RBFOX1: variants seen among roughly 807,000 people sequenced by gnomAD.
RBFOX1 encodes the protein RNA binding protein fox-1 homolog 1.
Under a neutral mutation model 57.7 loss-of-function variants are expected in RBFOX1, and 8 were observed. The observed-to-expected ratio is 0.14, with a 90% CI of 0.08 to 0.25. The LOEUF (loss-of-function observed/expected upper bound fraction) is 0.25, where lower values mean the gene tolerates loss of function less well. Among genes scored for constraint, RBFOX1 ranks in the 10% least tolerant of loss-of-function variants. The pLI is 1.00. For missense variants in RBFOX1, 611 were observed against 548.5 expected, an observed-to-expected ratio of 1.11 and a Z score of -1.14; for synonymous variants, 326 against 222.4, an observed-to-expected ratio of 1.47 and a Z score of -4.15.
intron 3 of RBFOX1, among the ~76,000 whole-genome samples, chr16:6,900,658 C>T (rs918703910): frequency 1.4e-4 from 21 of 152,186 alleles, no homozygotes; most frequent in Admixed American, 8.5e-4. Context: ...TTCTTGACCT[C>T]GTCCCACCAA....
intron 3 of RBFOX1, among the ~76,000 whole-genome samples, chr16:5,759,474 A>T (rs1302474803): frequency 6.6e-6 from 1 of 152,238 alleles, no homozygotes; most frequent in Admixed American, 6.5e-5. Flanking sequence ...CAGCTGTATC[A>T]GGGCATTCAA....
intron 4 of RBFOX1, among the ~76,000 whole-genome samples, chr16:7,306,482 G>A (rs765430532): frequency 1.1e-4 from 17 of 152,058 alleles, no homozygotes; most frequent in Non-Finnish European, 2.4e-4. Flanking sequence ...TTTGAAATGT[G>A]CTTTGGAATG....
At chr16:7,162,843 T>C (rs537456803) in intron 4 of RBFOX1, among the ~76,000 whole-genome samples, 3 of 152,332 alleles carry the variant, frequency 2.0e-5, no homozygotes, top group African/African-American at 4.8e-5. Flanking sequence ...TAAAGAATTA[T>C]AGACTTCAAA....
At chr16:5,518,863 CT>C (rs1180937532) in intron 2 of RBFOX1, among the ~76,000 whole-genome samples, 1 of 152,226 alleles carries the variant, frequency 6.6e-6, no homozygotes. Flanking sequence ...CCCTATCCCC[CT>C]AACCCCCACT....
At chr16:6,873,597 G>A (rs535066964) in intron 3 of RBFOX1, among the ~76,000 whole-genome samples, 68 of 152,138 alleles carry the variant, frequency 4.5e-4, no homozygotes, top group African/African-American at 1.6e-3. Context: ...CATATTACAC[G>A]TCTAGTTTTT....
chr16:5,251,496 G>T (rs2062452413), intron 1 of RBFOX1, among the ~76,000 whole-genome samples: 1 of 152,206 alleles, frequency 6.6e-6, no homozygotes, highest in Non-Finnish European at 1.5e-5. Context: ...TACCTGCTGT[G>T]TTTATAGAGT....
rs1287335701 is a variant in RBFOX1, at chr16:5,509,736, G to A, written c.258+42482G>A. ...AGAGCTTTCGGGGCTTGGGCCAGGCGTGGACGTTAAGGCCAAGATGGGCGC... is the reference window on the plus strand; with the variant it reads ...AGAGCTTTCGGGGCTTGGGCCAGGCATGGACGTTAAGGCCAAGATGGGCGC... On this transcript the variant is annotated intron_variant, in intron 2 of 2. Coordinates refer to the RBFOX1 transcript ENST00000585867. 2.0e-5 allele frequency among the ~76,000 whole-genome samples: 3 copies of A among 152,312 alleles called. No homozygotes were observed. The South Asian group carries it at 6.2e-4, about 32-fold the overall frequency.
At chr16:5,927,531 A>C (rs2058962641) in intron 4 of RBFOX1, among the ~76,000 whole-genome samples, 1 of 152,214 alleles carries the variant, frequency 6.6e-6, no homozygotes. Flanking sequence ...GATGGAAAAC[A>C]ATATGGAGGT....
chr16:6,024,045 C>A (rs988914297), intron 1 of RBFOX1, among the ~76,000 whole-genome samples: 3 of 152,156 alleles, frequency 2.0e-5, no homozygotes, highest in Non-Finnish European at 1.5e-5. Context: ...GTTATATACA[C>A]AGGCAACTGT....
intron 2 of RBFOX1, among the ~76,000 whole-genome samples, chr16:6,386,294 C>G (rs150966516): frequency 6.6e-6 from 1 of 152,120 alleles, no homozygotes; most frequent in South Asian, 2.1e-4. Flanking sequence ...TTAGTTTGGG[C>G]GGGACATTTT....
chr16:6,555,278 A>G (rs957812379), intron 2 of RBFOX1, among the ~76,000 whole-genome samples: 12 of 152,102 alleles, frequency 7.9e-5, no homozygotes, highest in African/African-American at 2.9e-4. Flanking sequence ...TTTCACCCAA[A>G]TCCTATCCAT....
chr16:6,981,003 A>G (rs2088638295), intron 3 of RBFOX1, among the ~76,000 whole-genome samples: 1 of 132,690 alleles, frequency 7.5e-6, no homozygotes, highest in Non-Finnish European at 1.5e-5. Context: ...AGATCACGCC[A>G]CTGCACTCCA....
chr16:7,339,121 C>G (rs73563877), intron 4 of RBFOX1, among the ~76,000 whole-genome samples: 3,073 of 152,278 alleles, frequency 0.02, 112 homozygotes, highest in African/African-American at 0.071. Flanking sequence ...CTGGCATTTA[C>G]TAAGCCTGTG....
chr16:6,807,812 C>T (rs1251983372), intron 3 of RBFOX1, among the ~76,000 whole-genome samples: 2 of 151,356 alleles, frequency 1.3e-5, no homozygotes, highest in African/African-American at 4.9e-5. Context: ...GAGACTCCAT[C>T]TCAAAAAAAG....
intron 12 of RBFOX1, among the ~76,000 whole-genome samples, chr16:7,662,175 C>CAGAG (rs2067931685): frequency 6.6e-6 from 1 of 152,202 alleles, no homozygotes; most frequent in African/African-American, 2.4e-5. Context: ...TACAGAAGAT[C>CAGAG]AGAGACAGAT....
At chr16:7,584,007 A>C (rs1459850738) in intron 6 of RBFOX1, among the ~76,000 whole-genome samples, 3 of 152,198 alleles carry the variant, frequency 2.0e-5, no homozygotes, top group African/African-American at 7.2e-5. Context: ...GTTAATGGAA[A>C]GTTCCATCTA....
intron 3 of RBFOX1, among the ~76,000 whole-genome samples, chr16:5,732,964 G>A (rs1027984385): frequency 6.6e-6 from 1 of 152,130 alleles, no homozygotes; most frequent in African/African-American, 2.4e-5. Flanking sequence ...TTTTTGGGGT[G>A]ATGGAAATGT....
intron 3 of RBFOX1, chr16:7,003,970 C>A (rs1369869112): frequency 6.0e-5 from 9 of 149,566 alleles, no homozygotes; most frequent in Admixed American, 6.0e-4. Flanking sequence ...TCCCATTTTC[C>A]CAGGGTAGAA....
rs182031026 is a variant in RBFOX1, at chr16:6,980,024, T to C, written c.-15-72033T>C. On this transcript the variant is annotated intron_variant, in intron 3 of 15. Transcript: ENST00000550418. ...CTTCCCAGCCTTAATGGTGTCATTA[T>C]AGTGTTAACGGTGGGGCTACAGAAC... Among the ~76,000 whole-genome samples the C allele has an allele frequency of 2.1e-3, 313 of 151,502 alleles. 1 individual carries two copies. The highest frequency in any genetic ancestry group is 3.7e-3 in the Non-Finnish European group (253 of 68,024).
Sources: gnomAD v4.1 joint callset for allele counts (sites outside exome capture counted in the v4.1 genomes callset) on GRCh38, gnomAD v4.1.1 for gene constraint, MANE v1.5 for transcripts, NCBI Gene and HGNC (gene_info 2026-07-23, HGNC 2026-07-21) for gene names.